The following LRMDA variants were observed in gnomAD, a reference collection of about 807,000 sequenced individuals.
The protein encoded by LRMDA is leucine rich melanocyte differentiation associated.
Under a neutral mutation model 29.8 loss-of-function variants are expected in LRMDA, and 18 were observed. The observed-to-expected ratio is 0.60, with a 90% CI of 0.42 to 0.90. The LOEUF is 0.90. Ranked by LOEUF, LRMDA falls within the 40% of genes least tolerant of loss-of-function variation. LRMDA has a pLI of 0.00. For synonymous variants in LRMDA, 125 were observed against 109.4 expected (o/e 1.14, Z -0.89); for missense variants, 273 against 273.9 (o/e 1.00, Z 0.02).
At chr10:75,569,990 CTT>C (rs1184492638) in intron 2 of LRMDA, among the ~76,000 whole-genome samples, 1 of 152,196 alleles carries the variant, frequency 6.6e-6, no homozygotes, top group Non-Finnish European at 1.5e-5. Context: ...CCACAGGAGA[CTT>C]TTGCTTTGCT....
intron 2 of LRMDA, among the ~76,000 whole-genome samples, chr10:76,008,281 T>C (rs1309297683): frequency 1.3e-5 from 2 of 152,184 alleles, no homozygotes; most frequent in Admixed American, 1.3e-4. Flanking sequence ...CAGGCCTCCA[T>C]GGAGTGATCC....
chr10:75,750,446 C>T (rs1176484015), intron 2 of LRMDA, among the ~76,000 whole-genome samples: 6 of 139,072 alleles, frequency 4.3e-5, no homozygotes, highest in Admixed American at 2.1e-4. Context: ...GACGGGGTCG[C>T]GGCCGGGCAG....
intron 5 of LRMDA, among the ~76,000 whole-genome samples, chr10:76,122,122 T>C (rs1849800002): frequency 1.3e-5 from 2 of 152,206 alleles, no homozygotes; most frequent in Non-Finnish European, 2.9e-5. Context: ...ATACAATTAT[T>C]TGGGCAGGTA....
chr10:75,786,661 A>C (rs1356192212), intron 2 of LRMDA, among the ~76,000 whole-genome samples: 5 of 152,106 alleles, frequency 3.3e-5, no homozygotes, highest in Non-Finnish European at 7.4e-5. Context: ...TCTTCTTTCC[A>C]GGAAGAATTT....
At chr10:76,077,446 A>G (rs1277805218) in intron 5 of LRMDA, among the ~76,000 whole-genome samples, 3 of 152,114 alleles carry the variant, frequency 2.0e-5, no homozygotes, top group Non-Finnish European at 2.9e-5. Context: ...TGTCTTTGTC[A>G]TGGCTAATGG....
chr10:76,343,007 C>G (rs1841059956), intron 6 of LRMDA, among the ~76,000 whole-genome samples: 1 of 151,926 alleles, frequency 6.6e-6, no homozygotes, highest in Non-Finnish European at 1.5e-5. Flanking sequence ...CTGATCTGTA[C>G]TGTTTGCTGA....
intron 2 of LRMDA, among the ~76,000 whole-genome samples, chr10:75,699,600 A>G (rs767137753): frequency 6.6e-6 from 1 of 152,214 alleles, no homozygotes; most frequent in East Asian, 1.9e-4. Context: ...AATTTAAACA[A>G]TAATCTGAGT....
At position 75,951,833 on chromosome 10, in the gene LRMDA, C is replaced by G. The variant is rs187289540; in HGVS notation, c.132-84175C>G. Among the ~76,000 whole-genome samples the G allele has an allele frequency of 1.2e-3, 179 of 152,316 alleles. 1 individual carries two copies. Among genetic ancestry groups the G allele is most frequent in the Admixed American group, 2.4e-3 (36 of 15,304 alleles). On this transcript the variant is annotated intron_variant, in intron 2 of 6. Coordinates refer to ENST00000611255, the MANE Select transcript of LRMDA (RefSeq NM_001305581.2). The stretch of plus-strand genomic sequence containing the variant: ...TTAAGAAGGCTGACCTCTGCCTCAG[C>G]GTTCTCTGACTTGAATTTTTCAGAC...
chr10:76,340,545 A>C (rs1330631581), intron 6 of LRMDA, among the ~76,000 whole-genome samples: 1 of 147,570 alleles, frequency 6.8e-6, no homozygotes, highest in African/African-American at 2.5e-5. Context: ...AAAGAGAGAG[A>C]GAGGGAGAAA....
At chr10:75,578,128 T>A (rs1840531778) in intron 2 of LRMDA, among the ~76,000 whole-genome samples, 1 of 147,802 alleles carries the variant, frequency 6.8e-6, no homozygotes, top group Non-Finnish European at 1.5e-5. Context: ...ATTGGTGTGC[T>A]GTATTCAGGA....
At chr10:75,911,985 T>C (rs1447007221) in intron 2 of LRMDA, among the ~76,000 whole-genome samples, 1 of 152,158 alleles carries the variant, frequency 6.6e-6, no homozygotes, top group Non-Finnish European at 1.5e-5. Flanking sequence ...TGAACCACTT[T>C]TGCTTGGGAC....
intron 2 of LRMDA, among the ~76,000 whole-genome samples, chr10:75,551,470 G>T (rs1840146099): frequency 1.3e-5 from 2 of 151,918 alleles, no homozygotes; most frequent in South Asian, 4.2e-4. Context: ...GTCTTCTAAT[G>T]CTACCCCTCC....
intron 2 of LRMDA, among the ~76,000 whole-genome samples, chr10:75,979,341 C>T (rs1847127057): frequency 6.6e-6 from 1 of 152,140 alleles, no homozygotes; most frequent in African/African-American, 2.4e-5. Flanking sequence ...TCAGGAGAGT[C>T]TTAGACACAG....
intron 2 of LRMDA, among the ~76,000 whole-genome samples, chr10:75,987,645 C>T (rs1242189205): frequency 6.6e-6 from 1 of 152,204 alleles, no homozygotes; most frequent in Non-Finnish European, 1.5e-5. Flanking sequence ...CCATCACCCT[C>T]TCCACTTCGA....
intron 5 of LRMDA, among the ~76,000 whole-genome samples, chr10:76,315,892 A>G (rs1402172507): frequency 6.6e-6 from 1 of 152,074 alleles, no homozygotes; most frequent in Non-Finnish European, 1.5e-5. Flanking sequence ...CTTTGAGCCC[A>G]TAGACACCCT....
At chr10:76,132,532 A>T (rs1431021526) in intron 5 of LRMDA, among the ~76,000 whole-genome samples, 6 of 152,194 alleles carry the variant, frequency 3.9e-5, no homozygotes, top group Non-Finnish European at 8.8e-5. Flanking sequence ...CTTATAAATT[A>T]TATTGTCATT....
chr10:76,161,032 G>A (rs1272912506), intron 5 of LRMDA, among the ~76,000 whole-genome samples: 1 of 152,024 alleles, frequency 6.6e-6, no homozygotes, highest in African/African-American at 2.4e-5. Context: ...CCCGAGAAAC[G>A]GTTGCGATAA....
intron 4 of LRMDA, among the ~76,000 whole-genome samples, chr10:76,054,320 AG>A (rs1217906701): frequency 6.6e-6 from 1 of 152,036 alleles, no homozygotes; most frequent in Non-Finnish European, 1.5e-5. Flanking sequence ...CCCTCATTTC[AG>A]GGGGTGACTG....
chr10:75,594,798 G>T (rs1840765953), intron 2 of LRMDA, among the ~76,000 whole-genome samples: 1 of 152,202 alleles, frequency 6.6e-6, no homozygotes, highest in African/African-American at 2.4e-5. Context: ...CCAAACACAT[G>T]CTGTTGAATA....
Sources: gnomAD v4.1 joint callset for allele counts (sites outside exome capture counted in the v4.1 genomes callset) on GRCh38, gnomAD v4.1.1 for gene constraint, MANE v1.5 for transcripts, NCBI Gene and HGNC (gene_info 2026-07-23, HGNC 2026-07-21) for gene names.